SH3BGR: variants seen among roughly 807,000 people sequenced by gnomAD.
SH3BGR encodes the protein SH3 domain-binding glutamic acid-rich protein.
In SH3BGR, 29 loss-of-function variants were observed where a neutral mutation model predicts 24.5. The ratio of observed to expected loss-of-function variants is 1.18; its 90% CI spans 0.88 to 1.61. SH3BGR has a LOEUF of 1.61. SH3BGR is among the 40% of genes most tolerant of loss of function. The pLI is 0.00. For synonymous variants in SH3BGR, 55 were observed against 65.7 expected (o/e 0.84, Z 0.79); for missense variants, 162 against 205.8 (o/e 0.79, Z 1.30).
At chr21:39,499,596 G>A (rs2078458595) in intron 3 of SH3BGR, among the ~76,000 whole-genome samples, 1 of 152,138 alleles carries the variant, frequency 6.6e-6, no homozygotes, top group South Asian at 2.1e-4. Context: ...TAGGCAGTTT[G>A]TTACCCTGCA....
chr21:39,499,349 A>G (rs1175218304), intron 3 of SH3BGR, among the ~76,000 whole-genome samples: 2 of 151,434 alleles, frequency 1.3e-5, no homozygotes, highest in Non-Finnish European at 2.9e-5. Flanking sequence ...TCTGTCTCTG[A>G]ACATTATCCA....
At chr21:39,470,641 A>T (rs149059893) in intron 2 of SH3BGR, among the ~76,000 whole-genome samples, 331 of 152,256 alleles carry the variant, frequency 2.2e-3, no homozygotes, top group African/African-American at 7.8e-3. Flanking sequence ...TCAGTATTTC[A>T]GTTGGCCTCT....
intron 4 of SH3BGR, among the ~76,000 whole-genome samples, chr21:39,503,355 G>GCAAT (rs1330948144): frequency 5.3e-5 from 8 of 152,076 alleles, no homozygotes; most frequent in Admixed American, 3.3e-4. Flanking sequence ...AACCAGAAAT[G>GCAAT]CAATGCATTG....
chr21:39,510,946 T>TATATAC (rs1296625247), intron 5 of SH3BGR, among the ~76,000 whole-genome samples: 46 of 139,594 alleles, frequency 3.3e-4, no homozygotes, highest in South Asian at 1.1e-3. Context: ...TATATATATA[T>TATATAC]ACTTTCTGAA....
intron 3 of SH3BGR, among the ~76,000 whole-genome samples, chr21:39,480,560 C>T (rs970086298): frequency 6.6e-6 from 1 of 152,160 alleles, no homozygotes; most frequent in African/African-American, 2.4e-5. Flanking sequence ...ATCCATGGCA[C>T]GAATGGATGG....
At chr21:39,469,154 G>T (rs991579722) in intron 2 of SH3BGR, among the ~76,000 whole-genome samples, 1 of 151,798 alleles carries the variant, frequency 6.6e-6, no homozygotes, top group Non-Finnish European at 1.5e-5. Context: ...TAAGAGGAAG[G>T]TACAGAAATT....
intron 3 of SH3BGR, among the ~76,000 whole-genome samples, chr21:39,478,020 C>T (rs1324447388): frequency 6.6e-6 from 1 of 152,074 alleles, no homozygotes; most frequent in East Asian, 1.9e-4. Flanking sequence ...AATCTACTCT[C>T]AGTGATGTTC....
At chr21:39,454,150 T>A (rs2077618196) in intron 1 of SH3BGR, among the ~76,000 whole-genome samples, 1 of 152,218 alleles carries the variant, frequency 6.6e-6, no homozygotes, top group African/African-American at 2.4e-5. Context: ...TCAGTGCTAA[T>A]GATTTTTCAT....
intron 3 of SH3BGR, among the ~76,000 whole-genome samples, chr21:39,482,211 CAAAG>C (rs1323764779): frequency 5.9e-5 from 9 of 152,228 alleles, no homozygotes; most frequent in South Asian, 4.1e-4. Context: ...AATAATATCA[CAAAG>C]AAAGAATCAG....
intron 4 of SH3BGR, among the ~76,000 whole-genome samples, chr21:39,507,716 G>A (rs1185517607): frequency 6.6e-6 from 1 of 152,116 alleles, no homozygotes. Flanking sequence ...CATGATCATA[G>A]CTCACAGCAG....
chr21:39,451,822 G>A (rs1426499734), upstream of SH3BGR: 8 of 1,434,010 alleles, frequency 5.6e-6, no homozygotes, highest in East Asian at 1.7e-4. Flanking sequence ...TAGGGAAAGG[G>A]TCCAGTGGCT....
At chr21:39,499,156 G>A (rs913392829) in intron 3 of SH3BGR, among the ~76,000 whole-genome samples, 1 of 151,202 alleles carries the variant, frequency 6.6e-6, no homozygotes, top group Non-Finnish European at 1.5e-5. Context: ...CTCTTGACAT[G>A]TGGGGATTAT....
chr21:39,494,394 A>G (rs1228500903), intron 3 of SH3BGR, among the ~76,000 whole-genome samples: 4 of 152,016 alleles, frequency 2.6e-5, no homozygotes, highest in Admixed American at 2.6e-4. Flanking sequence ...ATTGTTTCAT[A>G]GTGAAGGTCT....
At chr21:39,487,665 T>C (rs2078232789) in intron 3 of SH3BGR, among the ~76,000 whole-genome samples, 1 of 152,224 alleles carries the variant, frequency 6.6e-6, no homozygotes, top group South Asian at 2.1e-4. Flanking sequence ...GATTTTCTTG[T>C]AGAACACATT....
At chr21:39,459,621 C>T (rs1380803092) in intron 1 of SH3BGR, among the ~76,000 whole-genome samples, 2 of 152,094 alleles carry the variant, frequency 1.3e-5, no homozygotes, top group Admixed American at 1.3e-4. Flanking sequence ...CAGCCTCCAC[C>T]TCCCAGGCTC....
At chr21:39,501,217 A>G (rs2078488898) in intron 4 of SH3BGR, among the ~76,000 whole-genome samples, 1 of 152,174 alleles carries the variant, frequency 6.6e-6, no homozygotes, top group South Asian at 2.1e-4. Flanking sequence ...AGACATAGAG[A>G]CAAAGATGAA....
intron 4 of SH3BGR, among the ~76,000 whole-genome samples, chr21:39,502,557 G>A (rs1424649611): frequency 6.6e-6 from 1 of 152,220 alleles, no homozygotes; most frequent in East Asian, 1.9e-4. Flanking sequence ...GGCAAGGAAT[G>A]TCAGCTTCCT....
chr21:39,449,919 G>C (rs79985980), upstream of SH3BGR, among the ~76,000 whole-genome samples: 1,572 of 152,298 alleles, frequency 0.01, 13 homozygotes, highest in Non-Finnish European at 0.017. Flanking sequence ...GCTGTTATTT[G>C]AGTAGGAAAT....
intron 2 of SH3BGR, among the ~76,000 whole-genome samples, chr21:39,472,345 C>A (rs565584082): frequency 6.6e-6 from 1 of 152,146 alleles, no homozygotes; most frequent in South Asian, 2.1e-4. Flanking sequence ...CAGCCTCAAG[C>A]CTTTTTATAA....
Sources: gnomAD v4.1 joint callset for allele counts (sites outside exome capture counted in the v4.1 genomes callset) on GRCh38, gnomAD v4.1.1 for gene constraint, MANE v1.5 for transcripts, NCBI Gene and HGNC (gene_info 2026-07-23, HGNC 2026-07-21) for gene names.